The following GRM5 variants were observed in gnomAD, a reference collection of about 807,000 sequenced individuals.
GRM5 encodes the protein metabotropic glutamate receptor 5.
GRM5 carries 19 observed loss-of-function variants against 83.1 expected under a neutral mutation model. The observed-to-expected ratio is 0.23, with a 90% CI of 0.16 to 0.34. The LOEUF (loss-of-function observed/expected upper bound fraction) is 0.34. Among genes scored for constraint, GRM5 ranks in the 10% least tolerant of loss-of-function variants. The pLI is 1.00. For synonymous variants in GRM5, 675 were observed against 633.6 expected, an observed-to-expected ratio of 1.07 and a Z score of -0.98; for missense variants, 1,160 against 1,588.3, an observed-to-expected ratio of 0.73 and a Z score of 4.58.
chr11:88,702,797 A>G (rs1941064840), intron 3 of GRM5, among the ~76,000 whole-genome samples: 1 of 152,022 alleles, frequency 6.6e-6, no homozygotes, highest in African/African-American at 2.4e-5. Flanking sequence ...GAGGAGAAAT[A>G]TACACCAGGG....
chr11:88,572,947 C>G (rs189238915), intron 7 of GRM5, among the ~76,000 whole-genome samples: 2 of 152,094 alleles, frequency 1.3e-5, no homozygotes, highest in African/African-American at 4.8e-5. Flanking sequence ...AAATTCCTTC[C>G]TAACAAGCAT....
At position 89,048,075 on chromosome 11, in the gene GRM5, G is replaced by GAAA. The variant is rs72379871; in HGVS notation, c.-200-6_-200-4dup. 6.8e-5 allele frequency: 28 copies of GAAA among 411,144 alleles called. No individual in the cohort carries two copies. The highest frequency in any genetic ancestry group is 6.6e-4 in the East Asian group (17 of 25,664). The allele number at this position is 411,144 out of a possible 1,614,324, so 25.5% of individuals were successfully genotyped here. The stretch of plus-strand genomic sequence containing the variant: ...CATGTGGTCATGATCTTCTAAACCT[G>GAAA]AAAAAAAAAAAATAACATGGGTCTT... On this transcript the variant is annotated splice_polypyrimidine_tract_variant and splice_region_variant and intron_variant, in intron 1 of 9. Coordinates refer to ENST00000305447, the MANE Select transcript of GRM5 (RefSeq NM_001143831.3).
intron 4 of GRM5, among the ~76,000 whole-genome samples, chr11:88,651,798 C>T (rs1274862303): frequency 6.6e-6 from 1 of 151,960 alleles, no homozygotes; most frequent in East Asian, 1.9e-4. Flanking sequence ...CCCCTTCTAC[C>T]CAAATAGGAA....
intron 6 of GRM5, among the ~76,000 whole-genome samples, chr11:88,594,300 T>G (rs1487820861): frequency 1.3e-5 from 2 of 152,200 alleles, no homozygotes; most frequent in Non-Finnish European, 2.9e-5. Flanking sequence ...TTGGCCAAGA[T>G]GAAAACCTCT....
intron 8 of GRM5, among the ~76,000 whole-genome samples, chr11:88,563,971 G>T (rs993699332): frequency 3.3e-5 from 5 of 152,138 alleles, no homozygotes; most frequent in Non-Finnish European, 7.4e-5. Flanking sequence ...TAGAGGAAAG[G>T]AATTTTAGTT....
At chr11:89,019,901 C>A in intron 2 of GRM5, among the ~76,000 whole-genome samples, 1 of 152,154 alleles carries the variant, frequency 6.6e-6, no homozygotes. Flanking sequence ...TGACATGGCT[C>A]TGGAGGCCCC....
chr11:88,595,118 T>C (rs190540249), intron 6 of GRM5, among the ~76,000 whole-genome samples: 3 of 152,290 alleles, frequency 2.0e-5, no homozygotes, highest in Admixed American at 1.3e-4. Flanking sequence ...TTATACTCTT[T>C]ATTTTTTTCA....
At chr11:88,736,950 T>G (rs1941926993) in intron 3 of GRM5, among the ~76,000 whole-genome samples, 1 of 152,088 alleles carries the variant, frequency 6.6e-6, no homozygotes, top group Admixed American at 6.6e-5. Context: ...CCTCCAAGTC[T>G]GTCCCTTCAT....
At chr11:88,973,173 T>C (rs1246411044) in intron 2 of GRM5, among the ~76,000 whole-genome samples, 2 of 152,074 alleles carry the variant, frequency 1.3e-5, no homozygotes, top group East Asian at 1.9e-4. Context: ...GAAAATAATA[T>C]TGCATCAATA....
intron 8 of GRM5, among the ~76,000 whole-genome samples, chr11:88,545,948 A>G (rs369701035): frequency 6.6e-6 from 1 of 152,176 alleles, no homozygotes; most frequent in South Asian, 2.1e-4. Context: ...CCCAAATACC[A>G]GTCCACATTT....
At chr11:88,639,041 C>A (rs1939217091) in intron 4 of GRM5, among the ~76,000 whole-genome samples, 1 of 152,008 alleles carries the variant, frequency 6.6e-6, no homozygotes, top group African/African-American at 2.4e-5. Context: ...TTACAAATTT[C>A]TTGAGGTGGA....
At chr11:88,662,265 G>A (rs1939926547) in intron 3 of GRM5, among the ~76,000 whole-genome samples, 1 of 152,148 alleles carries the variant, frequency 6.6e-6, no homozygotes, top group African/African-American at 2.4e-5. Flanking sequence ...CATGACAAAT[G>A]TAGAGGGGAT....
chr11:88,517,135 AC>A (rs1941542626), intron 9 of GRM5, among the ~76,000 whole-genome samples: 1 of 109,910 alleles, frequency 9.1e-6, no homozygotes, highest in Admixed American at 8.7e-5. Flanking sequence ...CTGTACACAC[AC>A]ACACACACAC....
chr11:88,981,184 C>G (rs572443), intron 2 of GRM5, among the ~76,000 whole-genome samples: 5,305 of 152,202 alleles, frequency 0.035, 185 homozygotes, highest in South Asian at 0.079. Flanking sequence ...AATATATGCA[C>G]GTGTTTGTTC....
intron 8 of GRM5, among the ~76,000 whole-genome samples, chr11:88,564,975 T>A (rs949968266): frequency 1.4e-4 from 21 of 152,122 alleles, no homozygotes; most frequent in African/African-American, 4.6e-4. Flanking sequence ...GTAACTTTCA[T>A]GAGTAAAAGA....
Position 88,508,851 on chromosome 11 carries a change from G to A in GRM5, c.3380C>T (p.Ala1127Val), listed in dbSNP as rs1236289107. The change falls in exon 10 of 10, where the codon GCG becomes GTG. Residue 1127 changes from alanine (A) to valine (V), a missense_variant. By Grantham distance (64) the Ala-to-Val change is moderately conservative. Coordinates refer to ENST00000305447, the MANE Select transcript of GRM5 (RefSeq NM_001143831.3). The surrounding 1 kb of genome is among the most constrained non-coding windows in gnomAD (Gnocchi z 4.2). ...PLPAIEVTGG[A>V]QPAAGAQAAG... ...CGCCTGCGCCCCTGCCGCGGGCTGC[G>A]CGCCTCCCGTGACTTCGATGGCCGG... The A allele has an allele frequency of 4.5e-6, 7 of 1,564,282 alleles. No individual in the cohort carries two copies. Among genetic ancestry groups the A allele is most frequent in the Non-Finnish European group, 6.1e-6 (7 of 1,156,524 alleles).
chr11:88,842,259 G>T (rs1307723390), intron 3 of GRM5, among the ~76,000 whole-genome samples: 1 of 151,910 alleles, frequency 6.6e-6, no homozygotes, highest in African/African-American at 2.4e-5. Flanking sequence ...CCAAATTATT[G>T]CAAATCTCAA....
chr11:88,657,614 C>T (rs1193351599), intron 3 of GRM5, among the ~76,000 whole-genome samples: 1 of 152,112 alleles, frequency 6.6e-6, no homozygotes, highest in Non-Finnish European at 1.5e-5. Flanking sequence ...TCTACTCTTC[C>T]CCTTTCTCCT....
chr11:88,904,969 T>G (rs1945379309), intron 2 of GRM5, among the ~76,000 whole-genome samples: 1 of 152,194 alleles, frequency 6.6e-6, no homozygotes, highest in Non-Finnish European at 1.5e-5. Flanking sequence ...TCTTATTACC[T>G]AGTCAATAGT....
Sources: allele counts gnomAD v4.1 joint callset (sites outside exome capture counted in the v4.1 genomes callset), GRCh38; gene constraint gnomAD v4.1.1; non-coding constraint Gnocchi (gnomAD v3.1); transcripts MANE v1.5; gene names NCBI Gene and HGNC (gene_info 2026-07-23, HGNC 2026-07-21).